Variants in SOX13 observed in about 807,000 individuals in gnomAD.
SOX13 encodes SRY-box transcription factor 13.
Under a neutral mutation model 71.8 loss-of-function variants are expected in SOX13, and 28 were observed. The observed-to-expected ratio is 0.39, with a 90% CI of 0.29 to 0.53. SOX13 has a LOEUF of 0.53. Among genes scored for constraint, SOX13 ranks in the 20% least tolerant of loss-of-function variants. The pLI, the probability that SOX13 is intolerant of heterozygous loss-of-function variation, is 0.70. For synonymous variants in SOX13, 309 were observed against 317.8 expected (o/e 0.97, Z 0.29); for missense variants, 627 against 810.3 (o/e 0.77, Z 2.75).
chr1:204,094,750 G>A (rs1043489413), intron 1 of SOX13, among the ~76,000 whole-genome samples: 11 of 152,182 alleles, frequency 7.2e-5, no homozygotes, highest in African/African-American at 2.7e-4. Flanking sequence ...CAAACCCTGT[G>A]ATGTGTTGTT....
In SOX13 at chr1:204,126,154, G is replaced by GC; in HGVS notation, c.*24dup. 6.2e-7 allele frequency: 1 copy of GC among 1,608,616 alleles called. No individual in the cohort carries two copies. Among genetic ancestry groups the GC allele is most frequent in the African/African-American group, 1.3e-5 (1 of 74,972 alleles). ...GACTGATCCCGGCTGGGTGGGCCTG[G>GC]CCCCTTCTCCTCTGGGGAAGACCTT... is the stretch of plus-strand genomic sequence containing the variant. On this transcript the variant is annotated 3_prime_UTR_variant, in exon 14 of 14. Coordinates refer to ENST00000367204, the MANE Select transcript of SOX13 (RefSeq NM_005686.3).
At chr1:204,074,652 A>C (rs948954789) in intron 1 of SOX13, among the ~76,000 whole-genome samples, 1 of 152,174 alleles carries the variant, frequency 6.6e-6, no homozygotes, top group Non-Finnish European at 1.5e-5. Context: ...TCCAGGACTT[A>C]ACTGGAGCTG....
At position 204,117,311 on chromosome 1, in the gene SOX13, GC is replaced by G. The variant is rs1285152430; in HGVS notation, c.660+123del. 5 of 874,940 alleles carry G rather than the reference GC, an allele frequency of 5.7e-6. No homozygotes were observed. The East Asian group carries it at 1.3e-4, about 22-fold the overall frequency. The allele number at this position is 874,940 out of a possible 1,614,324, so 54.2% of individuals were successfully genotyped here. A position where few individuals can be genotyped will look rare whatever the true frequency, so the allele number is the denominator to read the frequency against. ...AAAGAGCCAGAGCAGAATCACTCAGGCCTGACCTGAGGAGGGTTATTTCTAT... is the reference window on the plus strand; with the variant it reads ...AAAGAGCCAGAGCAGAATCACTCAGGCTGACCTGAGGAGGGTTATTTCTAT... On this transcript the variant is annotated intron_variant, in intron 6 of 13. Coordinates refer to ENST00000367204, the MANE Select transcript of SOX13 (RefSeq NM_005686.3).
In SOX13 at chr1:204,113,046, C is replaced by T. The variant is rs368735052; in HGVS notation, c.131C>T (p.Ala44Val). Reference sequence around the variant, plus strand: ...GCCCCCCAGGGCTCAGCCACTGCCGCTGAACCTCAGCCTGGAGACCCAGCC... The same window carrying T: ...GCCCCCCAGGGCTCAGCCACTGCCGTTGAACCTCAGCCTGGAGACCCAGCC... ...HEAPQGSATA[A>V]EPQPGDPARA... Residue 44 changes from alanine (A) to valine (V), a missense_variant, in exon 2 of 14, where the codon GCT becomes GTT. Transcript: ENST00000367204. 1.4e-5 allele frequency: 23 copies of T among 1,610,600 alleles called. No individual in the cohort carries two copies. The African/African-American group carries it at 1.5e-4, about 10-fold the overall frequency.
intron 7 of SOX13, among the ~76,000 whole-genome samples, chr1:204,121,143 C>A (rs1656795376): frequency 1.3e-5 from 2 of 152,076 alleles, no homozygotes; most frequent in Admixed American, 1.3e-4. Context: ...CCGCACCCGG[C>A]TAATTTTTGT....
At chr1:204,100,886 G>T (rs1295749453) in intron 1 of SOX13, among the ~76,000 whole-genome samples, 1 of 152,188 alleles carries the variant, frequency 6.6e-6, no homozygotes, top group Non-Finnish European at 1.5e-5. Flanking sequence ...CTGTGCCAAC[G>T]GGAGGCCGGT....
At chr1:204,097,279 A>T (rs1448459082) in intron 1 of SOX13, among the ~76,000 whole-genome samples, 1 of 152,222 alleles carries the variant, frequency 6.6e-6, no homozygotes, top group Non-Finnish European at 1.5e-5. Context: ...TGATGCAGCC[A>T]TAGAGTGGAA....
intron 5 of SOX13, 86 bp from the exon 6 acceptor site, chr1:204,117,036 G>C: frequency 7.4e-7 from 1 of 1,355,966 alleles, no homozygotes; most frequent in Non-Finnish European, 1.0e-6. Flanking sequence ...CCCCACTGTA[G>C]AAAGCAGGGT....
intron 4 of SOX13, among the ~76,000 whole-genome samples, chr1:204,115,823 T>A (rs918796312): frequency 6.6e-6 from 1 of 151,748 alleles, no homozygotes; most frequent in Non-Finnish European, 1.5e-5. Flanking sequence ...TGCGCCACCA[T>A]ACCCGGCTAA....
At chr1:204,078,723 G>A (rs1167004304) in intron 1 of SOX13, among the ~76,000 whole-genome samples, 2 of 152,182 alleles carry the variant, frequency 1.3e-5, no homozygotes, top group South Asian at 4.1e-4. Context: ...AAGCAGGAAG[G>A]CATGCTCTAG....
intron 1 of SOX13, among the ~76,000 whole-genome samples, chr1:204,108,737 G>A (rs1466095591): frequency 2.0e-5 from 3 of 152,242 alleles, no homozygotes; most frequent in Non-Finnish European, 4.4e-5. Flanking sequence ...CCACAGGCCC[G>A]CATTGTGCGC....
At position 204,125,921 on chromosome 1, in the gene SOX13, G is replaced by A. The variant is rs756985601; in HGVS notation, c.1656G>A (p.Met552Ile). 3.1e-6 allele frequency: 5 copies of A among 1,613,516 alleles called. No individual in the cohort carries two copies. The highest frequency in any genetic ancestry group is 4.2e-6 in the Non-Finnish European group (5 of 1,179,774). ...TCCTGTACCCTCGGGCAGCAGGCATGCCGCTGGCACAGCCACTGGTGGAGC... is the reference window on the plus strand; with the variant it reads ...TCCTGTACCCTCGGGCAGCAGGCATACCGCTGGCACAGCCACTGGTGGAGC... ...SDVLYPRAAG[M>I]PLAQPLVEHY... is the part of the protein sequence containing the mutation. Residue 552 changes from methionine (M) to isoleucine (I), a missense_variant, in exon 14 of 14, where the codon ATG becomes ATA. Physicochemically the swap from Met to Ile is conservative, Grantham distance 10. Transcript: ENST00000367204.
chr1:204,100,843 C>CA (rs1280028363), intron 1 of SOX13, among the ~76,000 whole-genome samples: 1 of 152,154 alleles, frequency 6.6e-6, no homozygotes, highest in Non-Finnish European at 1.5e-5. Flanking sequence ...ACCAAGAACC[C>CA]CTGGGATGGG....
At chr1:204,104,241 C>T (rs185247922) in intron 1 of SOX13, among the ~76,000 whole-genome samples, 107 of 152,274 alleles carry the variant, frequency 7.0e-4, no homozygotes, top group Non-Finnish European at 9.7e-4. Context: ...TGGAAACAGC[C>T]GAGGGAGTGT....
chr1:204,093,551 T>C (rs1327260877), intron 1 of SOX13, among the ~76,000 whole-genome samples: 1 of 152,198 alleles, frequency 6.6e-6, no homozygotes, highest in Non-Finnish European at 1.5e-5. Context: ...CCTCTGACCA[T>C]GGTGGCGGGT....
chr1:204,090,188 G>A (rs1403756730), intron 1 of SOX13, among the ~76,000 whole-genome samples: 1 of 152,200 alleles, frequency 6.6e-6, no homozygotes, highest in Non-Finnish European at 1.5e-5. Context: ...GCTCTGGTGG[G>A]ACTCTGGGTA....
At chr1:204,092,414 T>C (rs1656166300) in intron 1 of SOX13, among the ~76,000 whole-genome samples, 1 of 152,076 alleles carries the variant, frequency 6.6e-6, no homozygotes, top group Non-Finnish European at 1.5e-5. Flanking sequence ...CCTCCTAGGC[T>C]CAAGCAGTCC....
intron 1 of SOX13, among the ~76,000 whole-genome samples, chr1:204,078,751 G>A (rs1245210994): frequency 2.0e-5 from 3 of 152,202 alleles, no homozygotes; most frequent in Non-Finnish European, 2.9e-5. Context: ...TCTTTGCCTC[G>A]GTGACTACCC....
chr1:204,092,035 CT>C (rs139938318), intron 1 of SOX13, among the ~76,000 whole-genome samples: 2 of 151,890 alleles, frequency 1.3e-5, no homozygotes, highest in African/African-American at 4.8e-5. Flanking sequence ...GTCTCTTTCA[CT>C]TTTTTTCTCT....
Sources: allele counts gnomAD v4.1 joint callset (sites outside exome capture counted in the v4.1 genomes callset), GRCh38; gene constraint gnomAD v4.1.1; transcripts MANE v1.5; gene names NCBI Gene and HGNC (gene_info 2026-07-23, HGNC 2026-07-21).